Variants in SSBP3 observed in about 807,000 individuals in gnomAD.
SSBP3 encodes the protein single-stranded DNA-binding protein 3.
SSBP3 carries 5 observed loss-of-function variants against 69.6 expected under a neutral mutation model. The observed-to-expected ratio is 0.07, with a 90% CI of 0.04 to 0.15. SSBP3 has a LOEUF of 0.15. SSBP3 is among the 10% of genes least tolerant of loss of function. The probability of loss-of-function intolerance (pLI) is 1.00; values close to 1 mark genes in which losing one functional copy is unlikely to be tolerated. For synonymous variants in SSBP3, 196 were observed against 193.4 expected (o/e 1.01, Z -0.11); for missense variants, 312 against 534.0 (o/e 0.58, Z 4.10).
At chr1:54,298,760 C>A (rs61776509) in intron 4 of SSBP3, among the ~76,000 whole-genome samples, 14,965 of 152,208 alleles carry the variant, frequency 0.098, 1,038 homozygotes, top group Non-Finnish European at 0.15. Flanking sequence ...CTTCTCCGAT[C>A]CAGCTCCTGG....
intron 5 of SSBP3, among the ~76,000 whole-genome samples, chr1:54,270,862 C>T (rs1280656798): frequency 6.6e-6 from 1 of 152,216 alleles, no homozygotes; most frequent in Non-Finnish European, 1.5e-5. Flanking sequence ...GAGAGGTGAA[C>T]TGACTTTCTC....
intron 13 of SSBP3, among the ~76,000 whole-genome samples, chr1:54,240,079 T>TGCGC (rs1340814156): frequency 9.2e-5 from 3 of 32,766 alleles, no homozygotes; most frequent in South Asian, 1.2e-3. Context: ...TGTGTGTGTG[T>TGCGC]GTGTGTGTGC....
At position 54,249,505 on chromosome 1, in the gene SSBP3, G is replaced by A. The variant is rs149604254; in HGVS notation, c.651+2111C>T. ...AGCCCAGGAGTTCAAGACCAGTCTG[G>A]GCAACATGGCAAGACCCTGTCTCTA... On this transcript the variant is annotated intron_variant, in intron 9 of 17. Coordinates refer to ENST00000610401, the Ensembl canonical transcript of SSBP3. 6.9e-3 allele frequency among the ~76,000 whole-genome samples: 1,056 copies of A among 152,058 alleles called. 10 individuals carry two copies. Among genetic ancestry groups the A allele is most frequent in the African/African-American group, 0.024 (1,013 of 41,466 alleles).
At chr1:54,234,826 TG>T (rs1328031717) in intron 14 of SSBP3, among the ~76,000 whole-genome samples, 1 of 150,604 alleles carries the variant, frequency 6.6e-6, no homozygotes, top group Admixed American at 6.6e-5. Flanking sequence ...TGCAGTGGCA[TG>T]ATCATGGCTC....
At chr1:54,410,088 T>C (rs1417466596), upstream of SSBP3, among the ~76,000 whole-genome samples, 3 of 152,150 alleles carry the variant, frequency 2.0e-5, no homozygotes, top group Non-Finnish European at 2.9e-5. Flanking sequence ...CTCCTTAGGG[T>C]CAGGGAATGA....
chr1:54,248,641 G>T lies in SSBP3; in HGVS notation c.651+2975C>A, dbSNP rs536136889. On this transcript the variant is annotated intron_variant, in intron 9 of 17. Coordinates refer to ENST00000610401, the Ensembl canonical transcript of SSBP3. The stretch of plus-strand genomic sequence containing the variant: ...GAGTCCCAAACCACCAGGCTCTGCC[G>T]GGCCCAAGATGAGCCCGTAGGTGAC... 1.5e-3 allele frequency among the ~76,000 whole-genome samples: 229 copies of T among 152,190 alleles called. 1 individual carries two copies. Among genetic ancestry groups the T allele is most frequent in the African/African-American group, 5.1e-3 (210 of 41,530 alleles).
chr1:54,360,918 T>TAAAA (rs60254245), intron 4 of SSBP3, among the ~76,000 whole-genome samples: 2 of 137,460 alleles, frequency 1.5e-5, no homozygotes, highest in African/African-American at 2.7e-5. Flanking sequence ...TGTCTCTACT[T>TAAAA]AAAAAAAAAA....
chr1:54,294,278 A>G (rs1004727393), intron 4 of SSBP3, among the ~76,000 whole-genome samples: 1 of 151,984 alleles, frequency 6.6e-6, no homozygotes, highest in Admixed American at 6.6e-5. Flanking sequence ...ATCACCTTCC[A>G]TTAACTTACC....
chr1:54,317,723 G>A (rs1646138750), intron 4 of SSBP3, among the ~76,000 whole-genome samples: 1 of 152,146 alleles, frequency 6.6e-6, no homozygotes, highest in South Asian at 2.1e-4. Context: ...TGTACTCAAG[G>A]AGGGAAGACA....
chr1:54,277,705 C>T lies in SSBP3; in HGVS notation c.366+3733G>A, dbSNP rs142295845. On this transcript the variant is annotated intron_variant, in intron 5 of 17. Transcript: ENST00000610401. The stretch of plus-strand genomic sequence containing the variant: ...GAAGAAAAACAGCCTGTACCCAATG[C>T]TCAGTTCTCTATGACCCCTGCCCTC... 7.9e-4 allele frequency among the ~76,000 whole-genome samples: 120 copies of T among 152,370 alleles called. No individual in the cohort carries two copies. The East Asian group carries it at 0.022, about 28-fold the overall frequency.
At chr1:54,406,080 AGCT>A (rs1649741987) in exon 1 of SSBP3, 2 of 1,215,196 alleles carry the variant, frequency 1.6e-6, no homozygotes, top group East Asian at 7.2e-5. Context: ...GGCTCTCCCG[AGCT>A]GCCCCTCGCT....
chr1:54,321,286 T>TG (rs1281075930), intron 4 of SSBP3, among the ~76,000 whole-genome samples: 1 of 152,228 alleles, frequency 6.6e-6, no homozygotes, highest in Non-Finnish European at 1.5e-5. Flanking sequence ...CGTGGCCAGA[T>TG]GTGTTTCAGA....
intron 4 of SSBP3, among the ~76,000 whole-genome samples, chr1:54,360,430 A>C (rs1646932379): frequency 6.6e-6 from 1 of 152,222 alleles, no homozygotes; most frequent in South Asian, 2.1e-4. Context: ...CAATCTTGGC[A>C]ATCACTTCAC....
intron 4 of SSBP3, among the ~76,000 whole-genome samples, chr1:54,293,301 G>A (rs549632168): frequency 6.6e-6 from 1 of 152,172 alleles, no homozygotes; most frequent in South Asian, 2.1e-4. Flanking sequence ...GTGGGGCCTG[G>A]GAGGATCGGA....
rs77809496 is a variant in SSBP3, at chr1:54,363,763, G to A, written c.276+38098C>T. ...CATAAAGGTATACTGCAGAAGAAATGTATAGGGAAAGGTATATTGTTTTGT... is the reference window on the plus strand; with the variant it reads ...CATAAAGGTATACTGCAGAAGAAATATATAGGGAAAGGTATATTGTTTTGT... On this transcript the variant is annotated intron_variant, in intron 4 of 17. Transcript: ENST00000610401. Among the ~76,000 whole-genome samples, 749 of 152,322 alleles carry A rather than the reference G, an allele frequency of 4.9e-3. 3 individuals carry two copies. The highest frequency in any genetic ancestry group is 0.034 in the Middle Eastern group (10 of 294).
At chr1:54,309,095 C>T (rs1057217055) in intron 4 of SSBP3, among the ~76,000 whole-genome samples, 2 of 152,200 alleles carry the variant, frequency 1.3e-5, no homozygotes, top group African/African-American at 4.8e-5. Flanking sequence ...GTCACTGGTG[C>T]ATCCCATGCG....
intron 4 of SSBP3, among the ~76,000 whole-genome samples, chr1:54,289,021 AAAAAAAAAAAAAAAACAAAAAAAC>A (rs1315131959): frequency 1.7e-4 from 8 of 46,546 alleles, no homozygotes; most frequent in African/African-American, 7.5e-4. Context: ...CTCTGTCTCC[AAAAAAAAAAAAAAAACAAAAAAAC>A]AAAAAAAAAA....
At chr1:54,310,196 G>A (rs1243054094) in intron 4 of SSBP3, among the ~76,000 whole-genome samples, 1 of 152,206 alleles carries the variant, frequency 6.6e-6, no homozygotes, top group Non-Finnish European at 1.5e-5. Flanking sequence ...AGCAGGCCGT[G>A]TGGACCTCGG....
At chr1:54,359,140 G>A (rs770414972) in intron 4 of SSBP3, among the ~76,000 whole-genome samples, 21 of 151,682 alleles carry the variant, frequency 1.4e-4, no homozygotes, top group Non-Finnish European at 2.6e-4. Context: ...TAAACCCACT[G>A]GTGGAGGTGG....
Sources: gnomAD v4.1 joint callset for allele counts (sites outside exome capture counted in the v4.1 genomes callset) on GRCh38, gnomAD v4.1.1 for gene constraint, MANE v1.5 for transcripts, NCBI Gene and HGNC (gene_info 2026-07-23, HGNC 2026-07-21) for gene names.